The following TTC29 variants were observed in gnomAD, a reference collection of about 807,000 sequenced individuals.
TTC29 encodes tetratricopeptide repeat protein 29.
A neutral mutation model predicts 58.1 loss-of-function variants in TTC29; 49 were observed. The ratio of observed to expected loss-of-function variants is 0.84; its 90% CI spans 0.67 to 1.07. The LOEUF (loss-of-function observed/expected upper bound fraction) is 1.07. Ranked by LOEUF, TTC29 falls within the 50% of genes least tolerant of loss-of-function variation. The pLI, the probability that TTC29 is intolerant of heterozygous loss-of-function variation, is 0.00. For synonymous variants in TTC29, 209 were observed against 196.8 expected, an observed-to-expected ratio of 1.06 and a Z score of -0.52; for missense variants, 582 against 555.6, an observed-to-expected ratio of 1.05 and a Z score of -0.48.
intron 9 of TTC29, among the ~76,000 whole-genome samples, chr4:146,830,556 T>G (rs76975724): frequency 0.063 from 9,578 of 152,234 alleles, 405 homozygotes; most frequent in Admixed American, 0.13. Flanking sequence ...TAGAGATAGG[T>G]CTACCATTAG....
At position 146,922,448 on chromosome 4, in the gene TTC29, G is replaced by A. The variant is rs1734657873; in HGVS notation, c.177-13199C>T. ...TAACCAAGAAAAACAAAAACAGATA[G>A]TCACTAAACATAGTAGCACGAACGG... On this transcript the variant is annotated intron_variant, in intron 4 of 12. Coordinates refer to ENST00000325106, the MANE Select transcript of TTC29 (RefSeq NM_031956.4). Among the ~76,000 whole-genome samples, 3 of 151,502 alleles carry A rather than the reference G, an allele frequency of 2.0e-5. No homozygotes were observed. In the South Asian group the frequency reaches 6.2e-4, roughly 31 times the overall value.
chr4:146,896,277 G>A (rs548448846), intron 6 of TTC29, among the ~76,000 whole-genome samples: 4 of 152,282 alleles, frequency 2.6e-5, no homozygotes, highest in South Asian at 4.1e-4. Flanking sequence ...GGAACCAGAA[G>A]TTTGCTCTAT....
chr4:146,726,050 TA>T (rs1364520127), intron 11 of TTC29, among the ~76,000 whole-genome samples: 1 of 152,042 alleles, frequency 6.6e-6, no homozygotes. Context: ...TTTTTTATTT[TA>T]ATTTTAGAGA....
chr4:146,869,790 A>G (rs1343926334), intron 7 of TTC29, among the ~76,000 whole-genome samples: 1 of 152,202 alleles, frequency 6.6e-6, no homozygotes, highest in East Asian at 1.9e-4. Flanking sequence ...TAGTTTTTAA[A>G]TAGTATTTAA....
intron 2 of TTC29, among the ~76,000 whole-genome samples, chr4:146,944,748 AG>A (rs1178022587): frequency 1.3e-5 from 2 of 152,306 alleles, no homozygotes; most frequent in African/African-American, 4.8e-5. Context: ...ATATTATCCA[AG>A]CTCTTTTACT....
At chr4:146,923,099 A>C (rs1734699773) in intron 4 of TTC29, among the ~76,000 whole-genome samples, 1 of 151,876 alleles carries the variant, frequency 6.6e-6, no homozygotes, top group Non-Finnish European at 1.5e-5. Context: ...ATTTTACAAA[A>C]TACAAGTAAC....
At chr4:146,944,119 G>A (rs540387478) in intron 2 of TTC29, 8 of 152,388 alleles carry the variant, frequency 5.2e-5, no homozygotes, top group Admixed American at 2.6e-4. Context: ...TACCAAATGA[G>A]CTTAGCCCCA....
intron 6 of TTC29, among the ~76,000 whole-genome samples, chr4:146,887,339 T>C (rs922872014): frequency 3.9e-5 from 6 of 152,190 alleles, no homozygotes; most frequent in African/African-American, 9.6e-5. Context: ...TACTTTCTTA[T>C]GTGTTACTGC....
intron 11 of TTC29, among the ~76,000 whole-genome samples, chr4:146,746,387 A>C (rs1377584135): frequency 6.6e-6 from 1 of 152,256 alleles, no homozygotes; most frequent in East Asian, 1.9e-4. Context: ...TTCCAAATAT[A>C]CTTAGTACTG....
At chr4:146,714,099 C>A (rs1561052440) in intron 11 of TTC29, among the ~76,000 whole-genome samples, 1 of 151,972 alleles carries the variant, frequency 6.6e-6, no homozygotes, top group Non-Finnish European at 1.5e-5. Context: ...ATATATGAAA[C>A]AATGATTTTG....
intron 9 of TTC29, among the ~76,000 whole-genome samples, chr4:146,824,703 C>A (rs1453603980): frequency 6.6e-6 from 1 of 152,022 alleles, no homozygotes; most frequent in Admixed American, 6.6e-5. Context: ...ATATATCTGG[C>A]AGAATTCACC....
In TTC29 at chr4:146,942,564, C is replaced by T. The variant is rs1348575572; in HGVS notation, c.-7+2467G>A. The T allele has an allele frequency of 2.2e-5, 33 of 1,514,384 alleles. No homozygotes were observed. In the Middle Eastern group the frequency reaches 5.0e-4, roughly 23 times the overall value. The allele number at this position is 1,514,384 out of a possible 1,614,324, so 93.8% of individuals were successfully genotyped here. A position where few individuals can be genotyped will look rare whatever the true frequency, so the allele number is the denominator to read the frequency against. ...TGAAGGGACACCAAAGCTCCCCAAACGGGCCTCCCAAGAGCTTACTTCAGA... is the reference window on the plus strand; with the variant it reads ...TGAAGGGACACCAAAGCTCCCCAAATGGGCCTCCCAAGAGCTTACTTCAGA... On this transcript the variant is annotated intron_variant, in intron 2 of 12. Coordinates refer to ENST00000325106, the MANE Select transcript of TTC29 (RefSeq NM_031956.4).
At chr4:146,725,948 C>T (rs1743753787) in intron 11 of TTC29, among the ~76,000 whole-genome samples, 1 of 152,176 alleles carries the variant, frequency 6.6e-6, no homozygotes, top group South Asian at 2.1e-4. Context: ...TTATAGTCCA[C>T]TGCAGCCTGC....
chr4:146,737,283 A>G (rs1055280554), intron 11 of TTC29, among the ~76,000 whole-genome samples: 1 of 152,132 alleles, frequency 6.6e-6, no homozygotes, highest in Admixed American at 6.6e-5. Context: ...AGAACAAGTC[A>G]ATATTCATTA....
chr4:146,832,688 C>G (rs9799456), intron 9 of TTC29, among the ~76,000 whole-genome samples: 9,402 of 151,850 alleles, frequency 0.062, 394 homozygotes, highest in Admixed American at 0.13. Context: ...GAGGGGGCTT[C>G]ACCATGTTGG....
At chr4:146,828,608 A>T (rs1727962224) in intron 9 of TTC29, among the ~76,000 whole-genome samples, 1 of 152,144 alleles carries the variant, frequency 6.6e-6, no homozygotes, top group South Asian at 2.1e-4. Context: ...AGGATTGTTA[A>T]ATCAAGATAT....
rs111848113 is a variant in TTC29, at chr4:146,843,485, G to A, written c.886-9588C>T. 4.3e-3 allele frequency among the ~76,000 whole-genome samples: 653 copies of A among 152,142 alleles called. 6 individuals carry two copies. The highest frequency in any genetic ancestry group is 7.3e-3 in the Non-Finnish European group (499 of 67,994). The stretch of plus-strand genomic sequence containing the variant: ...TATCTCCCATACATTGACTGCTTAC[G>A]TTGCCCAACACCTGAAGTGGAGGCT... On this transcript the variant is annotated intron_variant, in intron 8 of 12. Coordinates refer to ENST00000325106, the MANE Select transcript of TTC29 (RefSeq NM_031956.4).
intron 10 of TTC29, among the ~76,000 whole-genome samples, chr4:146,813,382 T>C (rs981593115): frequency 1.3e-5 from 2 of 152,212 alleles, no homozygotes; most frequent in South Asian, 4.1e-4. Context: ...TAACAGTCCA[T>C]CAAAAGACCC....
At chr4:146,750,254 G>A (rs531217718) in intron 11 of TTC29, among the ~76,000 whole-genome samples, 69 of 152,232 alleles carry the variant, frequency 4.5e-4, no homozygotes, top group African/African-American at 1.6e-3. Context: ...TGATCCGCCC[G>A]CCTCGGCCTC....
Sources: gnomAD v4.1 joint callset for allele counts (sites outside exome capture counted in the v4.1 genomes callset) on GRCh38, gnomAD v4.1.1 for gene constraint, MANE v1.5 for transcripts, NCBI Gene and HGNC (gene_info 2026-07-23, HGNC 2026-07-21) for gene names.